The following LRRC3B variants were observed in gnomAD, a reference collection of about 807,000 sequenced individuals.
LRRC3B encodes leucine rich repeat containing 3B, also known as leucine-rich repeat-containing protein 3B.
Under a neutral mutation model 12.8 loss-of-function variants are expected in LRRC3B, and 2 were observed. The observed-to-expected ratio is 0.16, with a 90% CI of 0.06 to 0.49. The LOEUF is 0.49. LRRC3B is among the 20% of genes least tolerant of loss of function. The pLI, the probability that LRRC3B is intolerant of heterozygous loss-of-function variation, is 0.96. For missense variants in LRRC3B, 189 were observed against 319.4 expected, an observed-to-expected ratio of 0.59 and a Z score of 3.11; for synonymous variants, 132 against 122.0, an observed-to-expected ratio of 1.08 and a Z score of -0.54.
At chr3:26,693,328 C>CAAAAAA (rs71950080) in intron 1 of LRRC3B, among the ~76,000 whole-genome samples, 5 of 96,160 alleles carry the variant, frequency 5.2e-5, no homozygotes, top group Non-Finnish European at 1.3e-4. Flanking sequence ...AACTCCGTCT[C>CAAAAAA]AAAAAAAAAA....
At chr3:26,692,726 G>T (rs1296377169) in intron 1 of LRRC3B, among the ~76,000 whole-genome samples, 1 of 152,108 alleles carries the variant, frequency 6.6e-6, no homozygotes, top group Non-Finnish European at 1.5e-5. Context: ...TTATTTAATT[G>T]GTAAAATAGC....
chr3:26,709,389 T>A (rs543768482), intron 1 of LRRC3B, 124 bp from the exon 2 acceptor site: 10 of 426,164 alleles, frequency 2.3e-5, no homozygotes, highest in African/African-American at 1.4e-4. Context: ...GTGGCATTGA[T>A]GGAAATTACC....
chr3:26,700,007 C>G (rs1443175652), intron 1 of LRRC3B, among the ~76,000 whole-genome samples: 9 of 152,080 alleles, frequency 5.9e-5, no homozygotes, highest in Admixed American at 5.9e-4. Flanking sequence ...AACTTCTAAA[C>G]CCACTCTGAA....
At chr3:26,685,615 G>GTGTGTA (rs1395832034) in intron 1 of LRRC3B, among the ~76,000 whole-genome samples, 1 of 120,484 alleles carries the variant, frequency 8.3e-6, no homozygotes, top group African/African-American at 3.4e-5. Context: ...ATGTGTGTGT[G>GTGTGTA]TATATATATA....
intron 1 of LRRC3B, among the ~76,000 whole-genome samples, chr3:26,671,011 CTTTTTT>C (rs762788262): frequency 2.1e-5 from 2 of 95,548 alleles, no homozygotes; most frequent in Non-Finnish European, 3.8e-5. Flanking sequence ...TCTCATGTAT[CTTTTTT>C]TTTTTTTTTT....
At chr3:26,651,566 G>T (rs1284165364) in intron 1 of LRRC3B, among the ~76,000 whole-genome samples, 1 of 152,076 alleles carries the variant, frequency 6.6e-6, no homozygotes, top group Non-Finnish European at 1.5e-5. Flanking sequence ...AGACAATCTG[G>T]CATAAAGTCA....
At chr3:26,709,935 A>C in exon 2 of LRRC3B, 1 of 1,614,130 alleles carries the variant, frequency 6.2e-7, no homozygotes, top group Non-Finnish European at 8.5e-7. Flanking sequence ...AAGGACCTCC[A>C]TCAACTGAGA....
intron 1 of LRRC3B, among the ~76,000 whole-genome samples, chr3:26,625,964 G>A (rs1248254444): frequency 6.6e-6 from 1 of 152,208 alleles, no homozygotes; most frequent in South Asian, 2.1e-4. Flanking sequence ...GAGTGGTCTG[G>A]TGATCAGAGA....
chr3:26,695,963 C>G (rs1700305475), intron 1 of LRRC3B, among the ~76,000 whole-genome samples: 1 of 152,186 alleles, frequency 6.6e-6, no homozygotes. Context: ...ACAGATGTAA[C>G]CAAACCTTTC....
intron 1 of LRRC3B, among the ~76,000 whole-genome samples, chr3:26,671,413 G>GAGAGAGAGAGAGGGAC (rs9331540): frequency 1.0e-5 from 1 of 99,388 alleles, no homozygotes; most frequent in Non-Finnish European, 1.9e-5. Flanking sequence ...GAGAGAGAGA[G>GAGAGAGAGAGAGGGAC]ACGAAGTCTT....
intron 1 of LRRC3B, chr3:26,625,250 C>T: frequency 6.6e-6 from 1 of 152,298 alleles, no homozygotes; most frequent in East Asian, 1.9e-4. Flanking sequence ...TTTCTGGGTC[C>T]CTCGCCTTGG....
At chr3:26,685,511 CTCTCTCTCTCTCTATATATATA>C (rs1183627753) in intron 1 of LRRC3B, among the ~76,000 whole-genome samples, 7 of 52,104 alleles carry the variant, frequency 1.3e-4, no homozygotes, top group South Asian at 8.0e-4. Context: ...CTCTCTCTCT[CTCTCTCTCTCTCTATATATATA>C]TATATATATA....
At chr3:26,626,507 G>A (rs1413681915) in intron 1 of LRRC3B, among the ~76,000 whole-genome samples, 1 of 152,154 alleles carries the variant, frequency 6.6e-6, no homozygotes, top group Non-Finnish European at 1.5e-5. Context: ...TGCATTTGTA[G>A]CATAACTAAT....
chr3:26,696,629 C>T (rs184623745), intron 1 of LRRC3B, among the ~76,000 whole-genome samples: 66 of 152,272 alleles, frequency 4.3e-4, no homozygotes, highest in African/African-American at 1.4e-3. Flanking sequence ...TTAGACTTGT[C>T]TTTGTTTGTA....
intron 1 of LRRC3B, chr3:26,625,193 G>T (rs1003154652): frequency 6.6e-6 from 1 of 152,486 alleles, no homozygotes; most frequent in Non-Finnish European, 1.5e-5. Flanking sequence ...GAGGACTCCT[G>T]CTGCCTTGTA....
intron 1 of LRRC3B, among the ~76,000 whole-genome samples, chr3:26,661,697 T>C (rs970980148): frequency 5.9e-5 from 9 of 152,196 alleles, no homozygotes; most frequent in Non-Finnish European, 1.2e-4. Context: ...ATGAACATCT[T>C]TGTGATTGCT....
At chr3:26,690,996 C>T (rs1056413663) in intron 1 of LRRC3B, among the ~76,000 whole-genome samples, 1 of 149,550 alleles carries the variant, frequency 6.7e-6, no homozygotes, top group Non-Finnish European at 1.5e-5. Context: ...CTTTAGGGAA[C>T]AAGGACTTAA....
At chr3:26,672,312 C>A (rs539210024) in intron 1 of LRRC3B, among the ~76,000 whole-genome samples, 36 of 152,184 alleles carry the variant, frequency 2.4e-4, no homozygotes, top group Admixed American at 2.0e-3. Flanking sequence ...ATAGGCCATA[C>A]ACTTTTGCCA....
At chr3:26,643,409 T>C (rs1025886342) in intron 1 of LRRC3B, among the ~76,000 whole-genome samples, 1 of 152,110 alleles carries the variant, frequency 6.6e-6, no homozygotes, top group African/African-American at 2.4e-5. Flanking sequence ...CCTGTATAGA[T>C]GGTTTTATAG....
Sources: allele counts gnomAD v4.1 joint callset (sites outside exome capture counted in the v4.1 genomes callset), GRCh38; gene constraint gnomAD v4.1.1; transcripts MANE v1.5; gene names NCBI Gene and HGNC (gene_info 2026-07-23, HGNC 2026-07-21).